Variants in ZNF746 observed in about 807,000 individuals in gnomAD.
ZNF746 encodes the protein zinc finger protein 746.
A neutral mutation model predicts 41.0 loss-of-function variants in ZNF746; 13 were observed. The ratio of observed to expected loss-of-function variants is 0.32; its 90% CI spans 0.21 to 0.50. ZNF746 has a LOEUF of 0.50. ZNF746 is among the 20% of genes least tolerant of loss of function. ZNF746 has a pLI of 0.98. For synonymous variants in ZNF746, 424 were observed against 396.2 expected, an observed-to-expected ratio of 1.07 and a Z score of -0.83; for missense variants, 811 against 922.9, an observed-to-expected ratio of 0.88 and a Z score of 1.57.
intron 4 of ZNF746, among the ~76,000 whole-genome samples, chr7:149,486,667 G>A (rs960087564): frequency 6.6e-5 from 10 of 152,132 alleles, no homozygotes; most frequent in African/African-American, 2.4e-4. Flanking sequence ...AAAACTAAAT[G>A]TGTTACTTAG....
intron 4 of ZNF746, among the ~76,000 whole-genome samples, chr7:149,481,782 T>C (rs1290929904): frequency 6.6e-6 from 1 of 151,988 alleles, no homozygotes; most frequent in Non-Finnish European, 1.5e-5. Context: ...AATGAATAAT[T>C]CCCAAAGGAG....
intron 4 of ZNF746, among the ~76,000 whole-genome samples, chr7:149,486,815 T>C (rs1315230309): frequency 6.6e-6 from 1 of 152,202 alleles, no homozygotes; most frequent in Non-Finnish European, 1.5e-5. Context: ...AGCTGTGGTC[T>C]CTCTCATGCT....
In ZNF746 at chr7:149,474,281, T is replaced by C; in HGVS notation, c.*103A>G. On this transcript the variant is annotated 3_prime_UTR_variant, in exon 7 of 7. Coordinates refer to ENST00000458143, the MANE Select transcript of ZNF746 (RefSeq NM_001394198.1). The surrounding 1 kb of genome is among the most constrained non-coding windows in gnomAD (Gnocchi z 6.3). ...TCAGTTCAGCAACTTGGACATTTGG[T>C]TCTCCCCGTCCCGCGTCTGCCTGAA... is the stretch of plus-strand genomic sequence containing the variant. The C allele has an allele frequency of 3.7e-6, 5 of 1,349,130 alleles. No homozygotes were observed. In the South Asian group the frequency reaches 5.4e-5, roughly 14 times the overall value. The allele number at this position is 1,349,130 out of a possible 1,614,324, so 83.6% of individuals were successfully genotyped here.
Position 149,477,757 on chromosome 7 carries a change from T to G in ZNF746, c.566-2A>C, listed in dbSNP as rs773825430. 3 of 1,600,764 alleles carry G rather than the reference T, an allele frequency of 1.9e-6. No homozygotes were observed. The South Asian group carries it at 3.3e-5, about 18-fold the overall frequency. ...GGGCGGGAACTGGGGGCCCCGAGCCTAGGAAAGGGAGTGAGTGTGAGGATA... is the reference window on the plus strand; with the variant it reads ...GGGCGGGAACTGGGGGCCCCGAGCCGAGGAAAGGGAGTGAGTGTGAGGATA... On this transcript the variant is annotated splice_acceptor_variant, in intron 4 of 6. Coordinates refer to ENST00000458143, the MANE Select transcript of ZNF746 (RefSeq NM_001394198.1). LOFTEE classifies it high-confidence loss of function.
chr7:149,481,825 A>G (rs1800493288), intron 4 of ZNF746, among the ~76,000 whole-genome samples: 1 of 152,244 alleles, frequency 6.6e-6, no homozygotes, highest in African/African-American at 2.4e-5. Context: ...GCAGAACTAA[A>G]GATTAACAGC....
In ZNF746 at chr7:149,477,024, T is replaced by C; in HGVS notation, c.781A>G (p.Thr261Ala). 1.2e-6 allele frequency: 2 copies of C among 1,612,570 alleles called. No homozygotes were observed. The highest frequency in any genetic ancestry group is 2.2e-5 in the East Asian group (1 of 44,834). ...TSGVHSNFSTTIPPTSWQTDL... is the reference protein window; with the variant it reads ...TSGVHSNFSTAIPPTSWQTDL... ...GTTTGCCAGGAGGTGGGCGGGATGGTGGTGGAAAAGTTGGAATGGACACCT... is the reference window on the plus strand; with the variant it reads ...GTTTGCCAGGAGGTGGGCGGGATGGCGGTGGAAAAGTTGGAATGGACACCT... The change falls in exon 6 of 7, where the codon ACC (threonine) becomes GCC (alanine). Residue 261 changes from threonine to alanine, a missense_variant. Transcript: ENST00000458143.
chr7:149,477,449 T>G, intron 5 of ZNF746, 115 bp downstream of exon 5: 1 of 1,254,188 alleles, frequency 8.0e-7, no homozygotes, highest in African/African-American at 1.5e-5. Context: ...ATTTCTAAAG[T>G]TGTCAGGCCG....
At chr7:149,480,496 G>A (rs764639053) in intron 4 of ZNF746, among the ~76,000 whole-genome samples, 17 of 151,962 alleles carry the variant, frequency 1.1e-4, no homozygotes, top group East Asian at 3.9e-4. Flanking sequence ...GCAGTGGCGC[G>A]ATCTTGGCTC....
rs1174715429 is a variant in ZNF746 at position 149,474,792 on chromosome 7, GGCGCTGCCATCCCGT to G, written c.1560_1574del (p.Arg521_Ala525del). On this transcript the variant is annotated inframe_deletion, in exon 7 of 7. Transcript: ENST00000458143. The surrounding 1 kb of genome is among the most constrained non-coding windows in gnomAD (Gnocchi z 6.3). Reference sequence around the variant, plus strand: ...AACGGCCGCACTCCCCACACCGAAGGGCGCTGCCATCCCGTGCGCTGCCCCCACCGCTGCCGCCAC... The same window carrying G: ...AACGGCCGCACTCCCCACACCGAAGGGCGCTGCCCCCACCGCTGCCGCCAC... 5.8e-6 allele frequency: 9 copies of G among 1,538,886 alleles called. No individual in the cohort carries two copies. The highest frequency in any genetic ancestry group is 2.0e-5 in the Admixed American group (1 of 51,008).
intron 4 of ZNF746, among the ~76,000 whole-genome samples, chr7:149,480,002 C>T (rs200175716): frequency 2.2e-4 from 34 of 152,300 alleles, no homozygotes; most frequent in East Asian, 7.7e-4. Context: ...GGCATGGTGG[C>T]ATCCCCTGTG....
chr7:149,496,728 G>A lies in ZNF746; in HGVS notation c.24+785C>T, dbSNP rs928241484. The A allele has an allele frequency of 1.1e-5, 8 of 741,874 alleles. No individual in the cohort carries two copies. The Admixed American group carries it at 5.0e-4, about 46-fold the overall frequency. The allele number at this position is 741,874 out of a possible 1,614,324, so 46.0% of individuals were successfully genotyped here. A position where few individuals can be genotyped will look rare whatever the true frequency, so the allele number is the denominator to read the frequency against. On this transcript the variant is annotated intron_variant, in intron 1 of 6. Transcript: ENST00000458143. ...GCAGAGCATCAGGCCAGGAGGGGTG[G>A]ACAGCGGTACCAAGAGGCCCCCTGA...
chr7:149,481,149 C>T (rs951147705), intron 4 of ZNF746, among the ~76,000 whole-genome samples: 1 of 152,140 alleles, frequency 6.6e-6, no homozygotes, highest in Non-Finnish European at 1.5e-5. Context: ...ATAGCAACAA[C>T]AAAAGCCAGA....
chr7:149,478,593 G>A (rs1800390113), intron 4 of ZNF746, among the ~76,000 whole-genome samples: 1 of 152,178 alleles, frequency 6.6e-6, no homozygotes. Flanking sequence ...CCCACACAAT[G>A]CAGTCCACAG....
chr7:149,482,493 C>G (rs1328904686), intron 4 of ZNF746, among the ~76,000 whole-genome samples: 1 of 150,340 alleles, frequency 6.7e-6, no homozygotes, highest in African/African-American at 2.4e-5. Flanking sequence ...GAGATGGAGC[C>G]TTGCTCTGCT....
intron 4 of ZNF746, among the ~76,000 whole-genome samples, chr7:149,480,265 A>G (rs556425580): frequency 2.8e-4 from 42 of 152,370 alleles, no homozygotes; most frequent in Admixed American, 1.8e-3. Context: ...ATGACTTTGG[A>G]TATTAAAATT....
At chr7:149,476,773 G>T in intron 6 of ZNF746, 149 bp downstream of exon 6, 1 of 1,047,348 alleles carries the variant, frequency 9.5e-7, no homozygotes. Context: ...ATAAATAACA[G>T]AATGTGCAAA....
intron 3 of ZNF746, among the ~76,000 whole-genome samples, chr7:149,493,649 G>C (rs1800887441): frequency 6.6e-6 from 1 of 152,250 alleles, no homozygotes; most frequent in Non-Finnish European, 1.5e-5. Flanking sequence ...CTGAAGGAAA[G>C]AGTCTTTCTC....
At chr7:149,492,421 G>C (rs1321395146) in intron 4 of ZNF746, among the ~76,000 whole-genome samples, 1 of 152,202 alleles carries the variant, frequency 6.6e-6, no homozygotes, top group Non-Finnish European at 1.5e-5. Flanking sequence ...GTTATTGACT[G>C]TTCATAGTAT....
rs115593233 is a variant in ZNF746, at chr7:149,486,887, T to C, written c.565+5972A>G. Among the ~76,000 whole-genome samples, 1,025 of 152,320 alleles carry C rather than the reference T, an allele frequency of 6.7e-3. 15 individuals are homozygous for C. Among genetic ancestry groups the C allele is most frequent in the African/African-American group, 0.024 (996 of 41,570 alleles). On this transcript the variant is annotated intron_variant, in intron 4 of 6. Coordinates refer to ENST00000458143, the MANE Select transcript of ZNF746 (RefSeq NM_001394198.1). Reference sequence around the variant, plus strand: ...AATGTCACACGAATTTTGTTCTGTATGTATTTTGTTTGTTATGTATAATAC... The same window carrying C: ...AATGTCACACGAATTTTGTTCTGTACGTATTTTGTTTGTTATGTATAATAC...
Sources: gnomAD v4.1 joint callset for allele counts (sites outside exome capture counted in the v4.1 genomes callset) on GRCh38, gnomAD v4.1.1 for gene constraint, Gnocchi (gnomAD v3.1) non-coding constraint, MANE v1.5 for transcripts, NCBI Gene and HGNC (gene_info 2026-07-23, HGNC 2026-07-21) for gene names.